QRICH2: variants seen among roughly 807,000 people sequenced by gnomAD.
The protein encoded by QRICH2 is glutamine-rich protein 2.
QRICH2 carries 119 observed loss-of-function variants against 168.3 expected under a neutral mutation model. The ratio of observed to expected loss-of-function variants is 0.71; its 90% CI spans 0.61 to 0.82. The LOEUF (loss-of-function observed/expected upper bound fraction) is 0.82, where lower values mean the gene tolerates loss of function less well. Among genes scored for constraint, QRICH2 ranks in the 40% least tolerant of loss-of-function variants. QRICH2 has a pLI of 0.00. For synonymous variants in QRICH2, 894 were observed against 951.2 expected, an observed-to-expected ratio of 0.94 and a Z score of 1.11; for missense variants, 2,241 against 2,491.6, an observed-to-expected ratio of 0.90 and a Z score of 2.14.
rs752917959 is a variant in QRICH2 at position 76,279,368 on chromosome 17, A to T, written c.4809T>A (p.Thr1603=). ...SCDRPLETPV[T]GHAIPVTPAG... ...CCGGCGGTGTGGGCACTCACTGTCC[A>T]GTCACAGGTGTCTCCAAGGGCCGGT... Residue 1603 remains threonine, a synonymous_variant, in exon 13 of 19, where the codon ACT becomes ACA. Transcript: ENST00000680821. 1 of 1,612,550 alleles carries T rather than the reference A, an allele frequency of 6.2e-7. No individual in the cohort carries two copies. Among genetic ancestry groups the T allele is most frequent in the East Asian group, 2.2e-5 (1 of 44,832 alleles).
chr17:76,306,954 CT>C (rs1300105879), intron 1 of QRICH2, among the ~76,000 whole-genome samples: 1 of 152,012 alleles, frequency 6.6e-6, no homozygotes, highest in Non-Finnish European at 1.5e-5. Flanking sequence ...CCATAGGAAG[CT>C]GAGGTCCAAC....
chr17:76,280,502 G>T lies in QRICH2; in HGVS notation c.4462-51C>A. ...CGCATCTGGGAGATGGCCATGGAGGGGCCCCATTCCCTGGGGGTGTCGACC... is the reference window on the plus strand; with the variant it reads ...CGCATCTGGGAGATGGCCATGGAGGTGCCCCATTCCCTGGGGGTGTCGACC... On this transcript the variant is annotated intron_variant, in intron 10 of 18. Transcript: ENST00000680821. This position sits in a 1 kb window ranked among gnomAD's most constrained non-coding sequence, Gnocchi z 7.4. 1 of 1,604,244 alleles carries T rather than the reference G, an allele frequency of 6.2e-7. No homozygotes were observed. Among genetic ancestry groups the T allele is most frequent in the South Asian group, 1.1e-5 (1 of 89,458 alleles).
In QRICH2 at chr17:76,292,921, C is replaced by G; in HGVS notation, c.1806G>C (p.Arg602=). ...QPGADQRGLV[R]PGMDQSGLAQ... Reference sequence around the variant, plus strand: ...CCAAACCAGACTGATCCATTCCAGGCCGGACCAAACCACGCTGATCTGCAC... The same window carrying G: ...CCAAACCAGACTGATCCATTCCAGGGCGGACCAAACCACGCTGATCTGCAC... Residue 602 remains arginine (R), a synonymous_variant, in exon 4 of 19, where the codon CGG becomes CGC. Transcript: ENST00000680821. 6.4e-7 allele frequency: 1 copy of G among 1,553,432 alleles called. No individual in the cohort carries two copies. Among genetic ancestry groups the G allele is most frequent in the Non-Finnish European group, 8.7e-7 (1 of 1,154,180 alleles).
chr17:76,306,105 G>A (rs1291269663), intron 1 of QRICH2, among the ~76,000 whole-genome samples: 2 of 135,408 alleles, frequency 1.5e-5, no homozygotes. Context: ...AGGAGATGGA[G>A]TTGCAGTGAG....
chr17:76,280,902 C>A lies in QRICH2; in HGVS notation c.4315G>T (p.Asp1439Tyr). The change falls in exon 9 of 19, where the codon GAC becomes TAC. Residue 1439 changes from aspartate to tyrosine, a missense_variant. Around this residue, in one of 3 missense-constraint regions of QRICH2, gnomAD observed 2,047 missense variants for 2,303.8 expected, o/e 0.89. Coordinates refer to ENST00000680821, the MANE Select transcript of QRICH2 (RefSeq NM_001388453.1). This position sits in a 1 kb window ranked among gnomAD's most constrained non-coding sequence, Gnocchi z 7.4. ...VQSAILQVQG[D>Y]CEKLNITTSN... is the part of the protein sequence containing the mutation. Reference sequence around the variant, plus strand: ...GTGGTGATGTTGAGCTTCTCGCAGTCACCCTGCACCTGCAGGATGGCACTC... The same window carrying A: ...GTGGTGATGTTGAGCTTCTCGCAGTAACCCTGCACCTGCAGGATGGCACTC... 1 of 1,613,082 alleles carries A rather than the reference C, an allele frequency of 6.2e-7. No homozygotes were observed. The highest frequency in any genetic ancestry group is 1.1e-5 in the South Asian group (1 of 91,078).
chr17:76,278,334 T>A, intron 14 of QRICH2, 145 bp from the exon 15 acceptor site: 1 of 728,982 alleles, frequency 1.4e-6, no homozygotes, highest in Non-Finnish European at 2.3e-6. Flanking sequence ...CCCTCAGCAG[T>A]AGTCCTTTCC....
chr17:76,308,103 G>C lies in QRICH2; in HGVS notation c.-105C>G. On this transcript the variant is annotated 5_prime_UTR_variant, in exon 1 of 19. Transcript: ENST00000680821. Reference sequence around the variant, plus strand: ...TTTCGGGGGCCCTGCGAGGTCCTCGGGGCGCCCCTGCCCCGGGTCCGGCCG... The same window carrying C: ...TTTCGGGGGCCCTGCGAGGTCCTCGCGGCGCCCCTGCCCCGGGTCCGGCCG... 8.2e-7 allele frequency: 1 copy of C among 1,220,954 alleles called. No individual in the cohort carries two copies. The highest frequency in any genetic ancestry group is 1.0e-6 in the Non-Finnish European group (1 of 982,820). 75.6% of individuals were successfully genotyped at this position (1,220,954 alleles called of 1,614,324 possible).
intron 7 of QRICH2, among the ~76,000 whole-genome samples, chr17:76,283,815 A>C (rs1391768950): frequency 7.1e-6 from 1 of 141,388 alleles, no homozygotes; most frequent in Non-Finnish European, 1.5e-5. Flanking sequence ...CGGAGGTTGC[A>C]GTGAGCTGAA....
At position 76,291,040 on chromosome 17, in the gene QRICH2, C is replaced by G; in HGVS notation, c.3687G>C (p.Lys1229Asn). 1 of 1,613,476 alleles carries G rather than the reference C, an allele frequency of 6.2e-7. No individual in the cohort carries two copies. Among genetic ancestry groups the G allele is most frequent in the Non-Finnish European group, 8.5e-7 (1 of 1,179,434 alleles). Residue 1229 changes from lysine to asparagine, a missense_variant, in exon 4 of 19, where the codon AAG becomes AAC. Physicochemically the swap from Lys to Asn is moderately conservative, Grantham distance 94. Coordinates refer to ENST00000680821, the MANE Select transcript of QRICH2 (RefSeq NM_001388453.1). ...EEQAGQTDLE[K>N]IQFLLAQMVK... ...CCATCTGTGCCAGCAGGAACTGGAT[C>G]TTCTCCAAGTCGGTTTGGCCGGCCT...
At chr17:76,289,961 A>T in intron 5 of QRICH2, 31 bp downstream of exon 5, 1 of 1,522,176 alleles carries the variant, frequency 6.6e-7, no homozygotes, top group Non-Finnish European at 9.0e-7. Flanking sequence ...CAAAAAAAAA[A>T]AAAAGACAAA....
intron 3 of QRICH2, among the ~76,000 whole-genome samples, chr17:76,294,629 A>G (rs893675719): frequency 1.3e-5 from 2 of 151,828 alleles, no homozygotes; most frequent in African/African-American, 4.8e-5. Context: ...CCTGGCCAAC[A>G]TGGCAAAACC....
chr17:76,278,525 A>G (rs189675347), intron 14 of QRICH2, among the ~76,000 whole-genome samples: 8 of 152,358 alleles, frequency 5.3e-5, no homozygotes, highest in Non-Finnish European at 7.4e-5. Flanking sequence ...CAGGGCTCCA[A>G]GAGCAGCCTG....
At chr17:76,286,177 A>AAT (rs1363977711) in intron 7 of QRICH2, among the ~76,000 whole-genome samples, 1 of 151,990 alleles carries the variant, frequency 6.6e-6, no homozygotes, top group African/African-American at 2.4e-5. Flanking sequence ...TCCGTCTCAA[A>AAT]AAAAAAAAAT....
At chr17:76,278,309 G>A (rs977314095) in intron 14 of QRICH2, 120 bp from the exon 15 acceptor site, 31 of 938,956 alleles carry the variant, frequency 3.3e-5, no homozygotes, top group East Asian at 2.9e-4. Context: ...GCTGGGGGTC[G>A]CTGGGCAGCT....
In QRICH2 at chr17:76,280,990, C is replaced by T. The variant is rs1196011070; in HGVS notation, c.4264-37G>A. ...GGGATGGGAAGGCTCTCGGAGGCTG[C>T]TGGCGCGATCCCACCCCCTGCTGCC... On this transcript the variant is annotated intron_variant, in intron 8 of 18. Transcript: ENST00000680821. The surrounding 1 kb of genome is among the most constrained non-coding windows in gnomAD (Gnocchi z 7.4). The T allele has an allele frequency of 1.3e-6, 2 of 1,595,024 alleles. No homozygotes were observed. The highest frequency in any genetic ancestry group is 1.3e-5 in the African/African-American group (1 of 74,872).
Position 76,277,256 on chromosome 17 carries a change from GC to G in QRICH2, c.5171del (p.Gly1724AlafsTer31). 6.2e-7 allele frequency: 1 copy of G among 1,601,582 alleles called. No homozygotes were observed. Among genetic ancestry groups the G allele is most frequent in the Admixed American group, 1.8e-5 (1 of 55,732 alleles). Reference sequence around the variant, plus strand: ...GGTAGGGGTAGGTGAGGGTGTGGCTGCCCCCGCAGCGCCGGGGCACAGTTGA... The same window carrying G: ...GGTAGGGGTAGGTGAGGGTGTGGCTGCCCCGCAGCGCCGGGGCACAGTTGA... ...TYSTVPRRCG[G>X]SHTLTYPYHR... On this transcript the variant is annotated frameshift_variant, in exon 16 of 19. Coordinates refer to ENST00000680821, the MANE Select transcript of QRICH2 (RefSeq NM_001388453.1). LOFTEE classifies it high-confidence loss of function.
chr17:76,310,216 C>CA (rs1169333163), upstream of QRICH2: 35 of 148,580 alleles, frequency 2.4e-4, 1 homozygote, highest in Admixed American at 2.3e-3. Flanking sequence ...AGGCTGGTCT[C>CA]AAACTCCTGA....
rs144416482 is a variant in QRICH2 at position 76,296,148 on chromosome 17, A to G, written c.706-2127T>C. On this transcript the variant is annotated intron_variant, in intron 3 of 18. Coordinates refer to ENST00000680821, the MANE Select transcript of QRICH2 (RefSeq NM_001388453.1). ...TGAGGCAGGAGAATTGCTTGAACCC[A>G]GAAGTCGGAGGTTGCAGTGAGCCGA... 1.7e-3 allele frequency among the ~76,000 whole-genome samples: 260 copies of G among 152,184 alleles called. 1 individual carries two copies. Among genetic ancestry groups the G allele is most frequent in the African/African-American group, 6.2e-3 (256 of 41,534 alleles).
intron 17 of QRICH2, 65 bp from the exon 18 acceptor site, chr17:76,276,012 G>T (rs1376298325): frequency 1.2e-5 from 19 of 1,576,818 alleles, no homozygotes; most frequent in Non-Finnish European, 1.6e-5. Flanking sequence ...GGGAACCCCT[G>T]GGGGTGGGGA....
Sources: gnomAD v4.1 joint callset for allele counts (sites outside exome capture counted in the v4.1 genomes callset) on GRCh38, gnomAD v4.1.1 for gene constraint, gnomAD v4.1.1 regional missense constraint, Gnocchi (gnomAD v3.1) non-coding constraint, MANE v1.5 for transcripts, NCBI Gene and HGNC (gene_info 2026-07-23, HGNC 2026-07-21) for gene names.